The following LOC128462377 variants were observed in gnomAD, a reference collection of about 807,000 sequenced individuals.
the LOC128462377 span, among the ~76,000 whole-genome samples, chr16:89,415,811 C>G: frequency 1.6e-5 from 1 of 60,984 alleles, no homozygotes; most frequent in Non-Finnish European, 3.4e-5. Flanking sequence ...CCCTGCACAA[C>G]AAAGCTAGAC....
chr16:89,394,703 G>A, the LOC128462377 span, among the ~76,000 whole-genome samples: 1 of 151,708 alleles, frequency 6.6e-6, no homozygotes. Flanking sequence ...TAAAACCTGC[G>A]AAGACTGCTT....
the LOC128462377 span, among the ~76,000 whole-genome samples, chr16:89,388,293 A>ATTTCTTTTTTT: frequency 1.2e-5 from 1 of 85,266 alleles, no homozygotes; most frequent in Non-Finnish European, 2.3e-5. Context: ...CATGAGGCTG[A>ATTTCTTTTTTT]TTTTTTTTTT....
the LOC128462377 span, among the ~76,000 whole-genome samples, chr16:89,341,210 A>G: frequency 1.3e-5 from 2 of 152,218 alleles, no homozygotes; most frequent in Non-Finnish European, 2.9e-5. Flanking sequence ...TCCGCGGAGA[A>G]GACTGGACTT....
chr16:89,397,655 G>C, the LOC128462377 span, among the ~76,000 whole-genome samples: 1 of 152,254 alleles, frequency 6.6e-6, no homozygotes, highest in African/African-American at 2.4e-5. Flanking sequence ...GGAAGGGTAA[G>C]ACACAGTTCC....
At chr16:89,366,416 C>T in the LOC128462377 span, among the ~76,000 whole-genome samples, 1 of 152,178 alleles carries the variant, frequency 6.6e-6, no homozygotes, top group African/African-American at 2.4e-5. Context: ...CTGCTTTCCA[C>T]AGGGTTGAAC....
the LOC128462377 span, among the ~76,000 whole-genome samples, chr16:89,386,576 T>C: frequency 1.3e-5 from 2 of 152,178 alleles, no homozygotes; most frequent in Non-Finnish European, 2.9e-5. Context: ...TCCTGCAAGA[T>C]GCCCGCGGGG....
the LOC128462377 span, among the ~76,000 whole-genome samples, chr16:89,404,375 A>G: frequency 6.6e-6 from 1 of 152,224 alleles, no homozygotes; most frequent in African/African-American, 2.4e-5. Context: ...GGCATGAAAA[A>G]AATTGCCTTC....
chr16:89,355,697 A>G, the LOC128462377 span, among the ~76,000 whole-genome samples: 1 of 152,196 alleles, frequency 6.6e-6, no homozygotes, highest in Non-Finnish European at 1.5e-5. Flanking sequence ...AAACCCAAAG[A>G]TGCTCACTTG....
chr16:89,365,798 T>C, the LOC128462377 span, among the ~76,000 whole-genome samples: 11 of 152,248 alleles, frequency 7.2e-5, no homozygotes, highest in South Asian at 2.3e-3. Context: ...GAACAGACTA[T>C]TTCATCACCC....
the LOC128462377 span, among the ~76,000 whole-genome samples, chr16:89,354,920 T>A: frequency 2.8e-4 from 42 of 152,206 alleles, no homozygotes; most frequent in African/African-American, 9.9e-4. Context: ...TGGAAGCTCG[T>A]TCTTCTAGCT....
chr16:89,402,380 A>G, the LOC128462377 span, among the ~76,000 whole-genome samples: 1 of 152,046 alleles, frequency 6.6e-6, no homozygotes, highest in Non-Finnish European at 1.5e-5. Context: ...CGCTTATTTA[A>G]ATCGGTAGGC....
At chr16:89,341,932 C>CTGCA in the LOC128462377 span, among the ~76,000 whole-genome samples, 7 of 151,026 alleles carry the variant, frequency 4.6e-5, no homozygotes, top group African/African-American at 1.7e-4. Context: ...GGCGGGAGTG[C>CTGCA]TGCACCTCCT....
the LOC128462377 span, among the ~76,000 whole-genome samples, chr16:89,337,288 GGACTTCAGGTGGCTCGGAAT>G: frequency 6.6e-6 from 1 of 151,870 alleles, no homozygotes; most frequent in Admixed American, 6.6e-5. Flanking sequence ...AGAAAGGAGA[GGACTTCAGGTGGCTCGGAAT>G]CCTCCGCCAC....
the LOC128462377 span, among the ~76,000 whole-genome samples, chr16:89,354,543 G>A: frequency 6.6e-6 from 1 of 152,140 alleles, no homozygotes; most frequent in African/African-American, 2.4e-5. Flanking sequence ...CTTCTAGGCT[G>A]GAATACTCAA....
chr16:89,333,464 GTATC>G, the LOC128462377 span, among the ~76,000 whole-genome samples: 7 of 152,308 alleles, frequency 4.6e-5, no homozygotes, highest in South Asian at 4.1e-4. Flanking sequence ...CACCGTTGTG[GTATC>G]ATACAGAGTA....
chr16:89,356,059 C>G, the LOC128462377 span, among the ~76,000 whole-genome samples: 2 of 152,202 alleles, frequency 1.3e-5, no homozygotes, highest in African/African-American at 4.8e-5. Flanking sequence ...CCAGCCTGGG[C>G]ACTGGAGTGA....
chr16:89,402,300 A>G, the LOC128462377 span, among the ~76,000 whole-genome samples: 1 of 152,314 alleles, frequency 6.6e-6, no homozygotes, highest in South Asian at 2.1e-4. Flanking sequence ...GGCTTGTCTC[A>G]GCGATACTAA....
At chr16:89,398,670 A>C in the LOC128462377 span, among the ~76,000 whole-genome samples, 1 of 152,080 alleles carries the variant, frequency 6.6e-6, no homozygotes, top group Non-Finnish European at 1.5e-5. Flanking sequence ...TGAGCCCGGG[A>C]GGTTGAGGCT....
the LOC128462377 span, among the ~76,000 whole-genome samples, chr16:89,367,593 T>G: frequency 1.3e-5 from 2 of 152,162 alleles, no homozygotes; most frequent in Non-Finnish European, 2.9e-5. Context: ...CTCCTCAGCC[T>G]GACAAGTCCA....
Sources: gnomAD v4.1 joint callset for allele counts (sites outside exome capture counted in the v4.1 genomes callset) on GRCh38, gnomAD v4.1.1 for gene constraint, MANE v1.5 for transcripts.